COMMD1: variants seen among roughly 807,000 people sequenced by gnomAD.
COMMD1 encodes the protein copper metabolism domain containing 1, also known as COMM domain-containing protein 1.
COMMD1 carries 10 observed loss-of-function variants against 17.2 expected under a neutral mutation model. The ratio of observed to expected loss-of-function variants is 0.58; its 90% CI spans 0.36 to 0.99. The LOEUF (loss-of-function observed/expected upper bound fraction) is 0.99. Among genes scored for constraint, COMMD1 ranks in the 50% least tolerant of loss-of-function variants. COMMD1 has a pLI of 0.01. For synonymous variants in COMMD1, 97 were observed against 91.6 expected, an observed-to-expected ratio of 1.06 and a Z score of -0.34; for missense variants, 270 against 231.8, an observed-to-expected ratio of 1.17 and a Z score of -1.07.
chr2:62,070,173 A>G (rs1671160535), intron 2 of COMMD1: 1 of 152,198 alleles, frequency 6.6e-6, no homozygotes, highest in Non-Finnish European at 1.5e-5. Flanking sequence ...AGAACTCAGG[A>G]AAGTACTATA....
chr2:61,971,073 TA>T (rs1401322169), intron 1 of COMMD1, among the ~76,000 whole-genome samples: 1 of 152,216 alleles, frequency 6.6e-6, no homozygotes, highest in Non-Finnish European at 1.5e-5. Flanking sequence ...CATGCCCGGC[TA>T]ATTTTTGCAT....
chr2:61,963,168 AAATAT>A (rs1671406551), intron 1 of COMMD1, among the ~76,000 whole-genome samples: 1 of 142,762 alleles, frequency 7.0e-6, no homozygotes. Context: ...TCAAAAAAAA[AAATAT>A]ATATATATAT....
intron 1 of COMMD1, among the ~76,000 whole-genome samples, chr2:61,963,582 GATCT>G (rs1266271417): frequency 6.6e-6 from 1 of 152,138 alleles, no homozygotes; most frequent in African/African-American, 2.4e-5. Context: ...GACCTCAGGT[GATCT>G]GCCCGCCTCG....
chr2:61,993,761 A>G (rs1668660445), intron 1 of COMMD1, among the ~76,000 whole-genome samples: 1 of 152,206 alleles, frequency 6.6e-6, no homozygotes, highest in Admixed American at 6.5e-5. Context: ...ATTTGGATGA[A>G]TTGACCCTAG....
Position 62,011,169 on chromosome 2 carries a change from C to T in COMMD1, c.462+10187C>T, listed in dbSNP as rs1487297326. 2.0e-5 allele frequency among the ~76,000 whole-genome samples: 3 copies of T among 152,308 alleles called. No individual in the cohort carries two copies. The East Asian group carries it at 5.8e-4, about 29-fold the overall frequency. The stretch of plus-strand genomic sequence containing the variant: ...CTCATTAGGCCTTCACCAGCTACCT[C>T]TCTAAAAGAATTCTCCATGTCCTGC... On this transcript the variant is annotated intron_variant, in intron 2 of 2. Coordinates refer to ENST00000311832, the MANE Select transcript of COMMD1 (RefSeq NM_152516.4).
chr2:62,075,798 T>A (rs1441347492), intron 2 of COMMD1, among the ~76,000 whole-genome samples: 1 of 152,260 alleles, frequency 6.6e-6, no homozygotes, highest in African/African-American at 2.4e-5. Context: ...AGCAGCTCAA[T>A]AAATGCTAAC....
At chr2:61,986,035 T>G (rs578121695) in intron 1 of COMMD1, among the ~76,000 whole-genome samples, 1 of 152,306 alleles carries the variant, frequency 6.6e-6, no homozygotes, top group East Asian at 1.9e-4. Context: ...AGAATTCCCT[T>G]TAGCATTTCT....
chr2:62,053,046 C>G (rs1251173303), intron 2 of COMMD1, among the ~76,000 whole-genome samples: 1 of 152,182 alleles, frequency 6.6e-6, no homozygotes, highest in Non-Finnish European at 1.5e-5. Flanking sequence ...CACCACTGCA[C>G]TCCAGCCTAG....
intron 2 of COMMD1, among the ~76,000 whole-genome samples, chr2:62,088,311 C>T (rs539105861): frequency 3.9e-5 from 6 of 152,324 alleles, no homozygotes; most frequent in Non-Finnish European, 5.9e-5. Context: ...CTTCCAGATT[C>T]ATGTCTTTAG....
chr2:62,065,061 G>C (rs1015403704), intron 2 of COMMD1, among the ~76,000 whole-genome samples: 4 of 152,104 alleles, frequency 2.6e-5, no homozygotes, highest in Non-Finnish European at 2.9e-5. Flanking sequence ...CCAGCTACTT[G>C]TGGGATTACA....
At chr2:61,974,457 A>G (rs945941404) in intron 1 of COMMD1, among the ~76,000 whole-genome samples, 1 of 151,810 alleles carries the variant, frequency 6.6e-6, no homozygotes, top group African/African-American at 2.4e-5. Context: ...GTGGATCACT[A>G]GGTCAGGAGT....
rs569793617 is a variant in COMMD1 at position 61,956,970 on chromosome 2, C to T, written c.181-43731C>T. Among the ~76,000 whole-genome samples, 13 of 152,046 alleles carry T rather than the reference C, an allele frequency of 8.6e-5. No homozygotes were observed. In the South Asian group the frequency reaches 2.7e-3, roughly 32 times the overall value. On this transcript the variant is annotated intron_variant, in intron 1 of 2. Coordinates refer to ENST00000311832, the MANE Select transcript of COMMD1 (RefSeq NM_152516.4). ...TTCACCAGGTTGGCCAGGATGGTCT[C>T]GAACTCCTGACCTCAAGTGATCCAC... is the stretch of plus-strand genomic sequence containing the variant.
intron 1 of COMMD1, among the ~76,000 whole-genome samples, chr2:61,964,984 C>T (rs1476432072): frequency 2.6e-5 from 4 of 151,758 alleles, no homozygotes; most frequent in Non-Finnish European, 5.9e-5. Flanking sequence ...TGCAGTGAGC[C>T]GAGATCGTGC....
At position 61,905,934 on chromosome 2, in the gene COMMD1, C is replaced by G; in HGVS notation, c.180+76C>G. Reference sequence around the variant, plus strand: ...TGGCTTCAGACTCTCCCCCCCTTGCCTTCCCCTGTCCTCACAAGCCGAAAG... The same window carrying G: ...TGGCTTCAGACTCTCCCCCCCTTGCGTTCCCCTGTCCTCACAAGCCGAAAG... On this transcript the variant is annotated intron_variant, in intron 1 of 2. Transcript: ENST00000311832. 4.9e-6 allele frequency: 7 copies of G among 1,442,230 alleles called. No homozygotes were observed. In the South Asian group the frequency reaches 8.1e-5, roughly 17 times the overall value. The allele number at this position is 1,442,230 out of a possible 1,614,324, so 89.3% of individuals were successfully genotyped here. A position where few individuals can be genotyped will look rare whatever the true frequency, so the allele number is the denominator to read the frequency against.
chr2:61,897,060 C>G (rs1187693016), intron 1 of COMMD1, among the ~76,000 whole-genome samples: 1 of 152,040 alleles, frequency 6.6e-6, no homozygotes, highest in South Asian at 2.1e-4. Context: ...GAACTCCTGA[C>G]CTCAAGCAAT....
chr2:61,900,431 C>T (rs544855882), intron 1 of COMMD1, among the ~76,000 whole-genome samples: 5 of 152,356 alleles, frequency 3.3e-5, no homozygotes, highest in East Asian at 3.9e-4. Flanking sequence ...CAATATTTTG[C>T]GTCAAAATGA....
At chr2:61,975,504 C>G (rs1271450094) in intron 1 of COMMD1, among the ~76,000 whole-genome samples, 1 of 152,114 alleles carries the variant, frequency 6.6e-6, no homozygotes, top group Non-Finnish European at 1.5e-5. Flanking sequence ...ATGAGAGTTC[C>G]AGTTGTTCCA....
intron 2 of COMMD1, among the ~76,000 whole-genome samples, chr2:62,124,101 C>T (rs1400773351): frequency 1.3e-5 from 2 of 152,106 alleles, no homozygotes; most frequent in Non-Finnish European, 2.9e-5. Flanking sequence ...AGTTTGAGAC[C>T]AGCCTGGCCA....
intron 2 of COMMD1, among the ~76,000 whole-genome samples, chr2:62,075,452 T>C (rs1671313562): frequency 6.6e-6 from 1 of 152,144 alleles, no homozygotes; most frequent in South Asian, 2.1e-4. Context: ...TCTCTGAGTT[T>C]AAGAGTAAAA....
Sources: gnomAD v4.1 joint callset for allele counts (sites outside exome capture counted in the v4.1 genomes callset) on GRCh38, gnomAD v4.1.1 for gene constraint, MANE v1.5 for transcripts, NCBI Gene and HGNC (gene_info 2026-07-23, HGNC 2026-07-21) for gene names.